The following PLD5 variants were observed in gnomAD, a reference collection of about 807,000 sequenced individuals.
PLD5 encodes phospholipase D family member 5.
In PLD5, 36 loss-of-function variants were observed where a neutral mutation model predicts 61.1. The ratio of observed to expected loss-of-function variants is 0.59; its 90% confidence interval spans 0.45 to 0.78. The LOEUF is 0.78. Among genes scored for constraint, PLD5 ranks in the 30% least tolerant of loss-of-function variants. The pLI, the probability that PLD5 is intolerant of heterozygous loss-of-function variation, is 0.00. For missense variants in PLD5, 515 were observed against 644.4 expected (o/e 0.80, Z 2.17); for synonymous variants, 243 against 242.8 (o/e 1.00, Z -0.01).
At chr1:242,470,067 T>C (rs1027627188) in intron 1 of PLD5, among the ~76,000 whole-genome samples, 43 of 151,880 alleles carry the variant, frequency 2.8e-4, no homozygotes, top group African/African-American at 9.9e-4. Flanking sequence ...GGCTGCCGGG[T>C]GCGGTGGCTC....
intron 3 of PLD5, among the ~76,000 whole-genome samples, chr1:242,287,417 A>G (rs1262505991): frequency 6.6e-6 from 1 of 152,220 alleles, no homozygotes; most frequent in Non-Finnish European, 1.5e-5. Flanking sequence ...GAGATGGAAA[A>G]GTGTAGAACA....
At chr1:242,319,504 T>C (rs1474814811) in intron 2 of PLD5, among the ~76,000 whole-genome samples, 1 of 152,242 alleles carries the variant, frequency 6.6e-6, no homozygotes, top group East Asian at 1.9e-4. Context: ...AGCTGGGAAC[T>C]GGGTCATGCA....
intron 1 of PLD5, among the ~76,000 whole-genome samples, chr1:242,491,703 C>T (rs1668157747): frequency 6.6e-6 from 1 of 152,188 alleles, no homozygotes; most frequent in African/African-American, 2.4e-5. Flanking sequence ...TCTCCTGAAA[C>T]TCAGTCTTCA....
chr1:242,340,458 GATA>G (rs1659766878), intron 2 of PLD5, among the ~76,000 whole-genome samples: 1 of 151,008 alleles, frequency 6.6e-6, no homozygotes, highest in Admixed American at 6.6e-5. Flanking sequence ...GGTGAAAAAT[GATA>G]ATAAGCTCTT....
chr1:242,299,363 T>C (rs1205413953), intron 2 of PLD5, among the ~76,000 whole-genome samples: 1 of 152,242 alleles, frequency 6.6e-6, no homozygotes, highest in Non-Finnish European at 1.5e-5. Flanking sequence ...TGCTATCAAA[T>C]AGATCTTATT....
At chr1:242,245,587 ACCT>A (rs1300912780) in intron 4 of PLD5, among the ~76,000 whole-genome samples, 2 of 152,050 alleles carry the variant, frequency 1.3e-5, no homozygotes, top group Non-Finnish European at 2.9e-5. Context: ...ATCTCTGCAC[ACCT>A]CCTCCTCAAA....
intron 2 of PLD5, among the ~76,000 whole-genome samples, chr1:242,339,158 G>A (rs1252802017): frequency 6.6e-6 from 1 of 151,902 alleles, no homozygotes; most frequent in African/African-American, 2.4e-5. Flanking sequence ...TTATCTCAAT[G>A]AACACTATTC....
At chr1:242,398,270 C>T (rs1004384289) in intron 1 of PLD5, among the ~76,000 whole-genome samples, 9 of 152,168 alleles carry the variant, frequency 5.9e-5, no homozygotes, top group African/African-American at 2.2e-4. Flanking sequence ...AAGGGAAGAA[C>T]ATTAACATTC....
chr1:242,416,537 A>T (rs1024833039), intron 1 of PLD5, among the ~76,000 whole-genome samples: 2 of 152,210 alleles, frequency 1.3e-5, no homozygotes, highest in African/African-American at 4.8e-5. Context: ...AGCTGCAAGA[A>T]TTCAACAAAT....
At chr1:242,327,606 G>A (rs1024633972) in intron 2 of PLD5, among the ~76,000 whole-genome samples, 2 of 152,102 alleles carry the variant, frequency 1.3e-5, no homozygotes, top group African/African-American at 4.8e-5. Context: ...TAACAGAGCT[G>A]CATATTTCAA....
At chr1:242,118,601 G>A (rs1320712364) in intron 6 of PLD5, among the ~76,000 whole-genome samples, 1 of 152,224 alleles carries the variant, frequency 6.6e-6, no homozygotes, top group Admixed American at 6.5e-5. Flanking sequence ...AAATGTTGGA[G>A]GTTTGTCTGT....
At chr1:242,361,451 C>G (rs949649542) in intron 1 of PLD5, among the ~76,000 whole-genome samples, 1 of 152,108 alleles carries the variant, frequency 6.6e-6, no homozygotes, top group Non-Finnish European at 1.5e-5. Flanking sequence ...AAATCCTTAA[C>G]AGGTATAATT....
chr1:242,359,847 T>C (rs1298547668), intron 1 of PLD5, among the ~76,000 whole-genome samples: 1 of 152,228 alleles, frequency 6.6e-6, no homozygotes, highest in Non-Finnish European at 1.5e-5. Flanking sequence ...CTATTGTTAG[T>C]ATATTGTTGC....
chr1:242,389,970 C>T (rs961233729), intron 1 of PLD5, among the ~76,000 whole-genome samples: 1 of 151,486 alleles, frequency 6.6e-6, no homozygotes, highest in Non-Finnish European at 1.5e-5. Context: ...CCAGAGTGTA[C>T]AAAATGTATC....
chr1:242,269,291 C>T (rs986536629), intron 3 of PLD5, among the ~76,000 whole-genome samples: 5 of 152,258 alleles, frequency 3.3e-5, no homozygotes, highest in African/African-American at 4.8e-5. Flanking sequence ...GTCTCAGGAA[C>T]GCTGACCTAC....
intron 2 of PLD5, among the ~76,000 whole-genome samples, chr1:242,343,170 A>G (rs978109507): frequency 6.6e-6 from 1 of 151,886 alleles, no homozygotes; most frequent in Non-Finnish European, 1.5e-5. Flanking sequence ...CTGTGATGAG[A>G]TGCTGACAGA....
chr1:242,417,469 T>C (rs1664894914), intron 1 of PLD5, among the ~76,000 whole-genome samples: 1 of 152,168 alleles, frequency 6.6e-6, no homozygotes, highest in African/African-American at 2.4e-5. Flanking sequence ...TAATCTCCCC[T>C]TAGTTTGCAT....
chr1:242,321,775 A>T (rs200351228), intron 2 of PLD5, among the ~76,000 whole-genome samples: 1 of 152,044 alleles, frequency 6.6e-6, no homozygotes, highest in African/African-American at 2.4e-5. Context: ...TCACTCTGTG[A>T]TTCTCCCTTG....
chr1:242,328,442 CAT>C (rs757895667), intron 2 of PLD5, among the ~76,000 whole-genome samples: 76 of 152,092 alleles, frequency 5.0e-4, no homozygotes, highest in Non-Finnish European at 7.9e-4. Context: ...GTTCTACATA[CAT>C]GTGTTGTACA....
Sources: allele counts gnomAD v4.1 joint callset (sites outside exome capture counted in the v4.1 genomes callset), GRCh38; gene constraint gnomAD v4.1.1; transcripts MANE v1.5; gene names NCBI Gene and HGNC (gene_info 2026-07-23, HGNC 2026-07-21).